The following SPSB4 variants were observed in gnomAD, a reference collection of about 807,000 sequenced individuals.
SPSB4 encodes the protein splA/ryanodine receptor domain and SOCS box containing 4.
Under a neutral mutation model 20.9 loss-of-function variants are expected in SPSB4, and 21 were observed. That is an observed-to-expected ratio of 1.01 (90% CI 0.71 to 1.45). The LOEUF (loss-of-function observed/expected upper bound fraction) is 1.45. Ranked by LOEUF, SPSB4 falls within the 40% of genes most tolerant of loss-of-function variation. The pLI is 0.00. For missense variants in SPSB4, 399 were observed against 399.2 expected, an observed-to-expected ratio of 1.00 and a Z score of 0.00; for synonymous variants, 207 against 183.8, an observed-to-expected ratio of 1.13 and a Z score of -1.02.
chr3:141,140,978 C>T (rs1436793716), intron 2 of SPSB4, among the ~76,000 whole-genome samples: 2 of 152,238 alleles, frequency 1.3e-5, no homozygotes, highest in African/African-American at 4.8e-5. Flanking sequence ...TGGGCTCCAC[C>T]CAGTTTGAGC....
intron 2 of SPSB4, among the ~76,000 whole-genome samples, chr3:141,125,885 T>C (rs1001902245): frequency 6.6e-6 from 1 of 152,250 alleles, no homozygotes; most frequent in African/African-American, 2.4e-5. Flanking sequence ...TGTCCAAGGC[T>C]TCTCTTCTAA....
chr3:141,136,648 GT>G (rs1277674736), intron 2 of SPSB4, among the ~76,000 whole-genome samples: 2 of 152,180 alleles, frequency 1.3e-5, no homozygotes, highest in Non-Finnish European at 2.9e-5. Flanking sequence ...TCAGATGGTT[GT>G]AGGTGTGTGG....
intron 2 of SPSB4, among the ~76,000 whole-genome samples, chr3:141,074,654 G>A (rs573047897): frequency 2.0e-5 from 3 of 152,310 alleles, no homozygotes; most frequent in East Asian, 1.9e-4. Context: ...CTAAAAGGCC[G>A]CAGCTCCCCG....
intron 2 of SPSB4, among the ~76,000 whole-genome samples, chr3:141,122,025 C>T (rs1938975158): frequency 6.6e-6 from 1 of 152,164 alleles, no homozygotes. Flanking sequence ...AGCTTTTCTG[C>T]TCTGGTTTCT....
At chr3:141,138,077 C>G (rs938308061) in intron 2 of SPSB4, among the ~76,000 whole-genome samples, 1 of 152,150 alleles carries the variant, frequency 6.6e-6, no homozygotes, top group Admixed American at 6.5e-5. Flanking sequence ...GTGTATGTGT[C>G]GAGGAATTTA....
At chr3:141,120,263 G>A (rs983146042) in intron 2 of SPSB4, among the ~76,000 whole-genome samples, 76 of 152,322 alleles carry the variant, frequency 5.0e-4, no homozygotes, top group African/African-American at 1.7e-3. Flanking sequence ...AAATTTGATT[G>A]CACTGTGGTC....
chr3:141,078,162 G>A (rs1938155170), intron 2 of SPSB4, among the ~76,000 whole-genome samples: 1 of 152,228 alleles, frequency 6.6e-6, no homozygotes, highest in Non-Finnish European at 1.5e-5. Context: ...GTTGGGATGG[G>A]CCTAGCTGCT....
rs373449720 is a variant in SPSB4 at position 141,066,387 on chromosome 3, C to T, written c.283C>T (p.Arg95Cys). ...CATCCGCGGCAAGGTGGGCCACGCC[C>T]GCGGCCTGCACGCCTGGCAGATCAA... Reference protein sequence around the residue: ...DGIRGKVGHARGLHAWQINWP... With the variant: ...DGIRGKVGHACGLHAWQINWP... The change falls in exon 2 of 3, where the codon CGC (arginine) becomes TGC (cysteine). Residue 95 changes from arginine (R) to cysteine (C), a missense_variant. Arg to Cys is a radical substitution (Grantham distance 180). Transcript: ENST00000310546. 1.7e-5 allele frequency: 27 copies of T among 1,543,806 alleles called. No individual in the cohort carries two copies. In the South Asian group the frequency reaches 2.0e-4, roughly 12 times the overall value.
chr3:141,071,679 A>G (rs1183789927), intron 2 of SPSB4, among the ~76,000 whole-genome samples: 1 of 152,130 alleles, frequency 6.6e-6, no homozygotes, highest in Non-Finnish European at 1.5e-5. Flanking sequence ...ACCACTGAGC[A>G]TGGCCTGACC....
intron 2 of SPSB4, among the ~76,000 whole-genome samples, chr3:141,097,677 G>T (rs941176170): frequency 6.6e-6 from 1 of 152,120 alleles, no homozygotes. Context: ...CAGTGAGGAG[G>T]AATGGTCTCT....
chr3:141,128,180 G>A (rs968253558), intron 2 of SPSB4, among the ~76,000 whole-genome samples: 1 of 152,214 alleles, frequency 6.6e-6, no homozygotes, highest in African/African-American at 2.4e-5. Context: ...CTGGGGTGCA[G>A]AAATGGGTTT....
chr3:141,090,491 G>A (rs144692873), intron 2 of SPSB4, among the ~76,000 whole-genome samples: 421 of 152,282 alleles, frequency 2.8e-3, no homozygotes, highest in African/African-American at 9.6e-3. Context: ...TGGAGAAAGT[G>A]ATATTTAAGC....
chr3:141,089,830 G>A (rs1938416465), intron 2 of SPSB4, among the ~76,000 whole-genome samples: 1 of 152,186 alleles, frequency 6.6e-6, no homozygotes, highest in Non-Finnish European at 1.5e-5. Context: ...TTTGGGTGTT[G>A]ACAGCTCTGC....
intron 2 of SPSB4, among the ~76,000 whole-genome samples, chr3:141,115,582 T>C (rs978460647): frequency 6.6e-6 from 1 of 152,272 alleles, no homozygotes; most frequent in African/African-American, 2.4e-5. Flanking sequence ...CAAATGTATT[T>C]GTGGTACTTG....
intron 2 of SPSB4, among the ~76,000 whole-genome samples, chr3:141,078,149 C>T (rs942457082): frequency 6.6e-6 from 1 of 152,232 alleles, no homozygotes; most frequent in African/African-American, 2.4e-5. Flanking sequence ...CACTAGCCCT[C>T]TGGTTGGGAT....
At chr3:141,073,422 G>C (rs893214181) in intron 2 of SPSB4, among the ~76,000 whole-genome samples, 5 of 152,166 alleles carry the variant, frequency 3.3e-5, no homozygotes, top group African/African-American at 1.2e-4. Context: ...GGAGGCTTCA[G>C]ACACATTGTT....
At chr3:141,120,045 G>A (rs1235558636) in intron 2 of SPSB4, among the ~76,000 whole-genome samples, 1 of 151,976 alleles carries the variant, frequency 6.6e-6, no homozygotes, top group Non-Finnish European at 1.5e-5. Context: ...TCCTCTTGTG[G>A]GCATTTAGTG....
intron 1 of SPSB4, among the ~76,000 whole-genome samples, chr3:141,053,485 A>G (rs1476700050): frequency 6.6e-6 from 1 of 152,198 alleles, no homozygotes; most frequent in Admixed American, 6.5e-5. Flanking sequence ...ATATAAAAAT[A>G]AAATCTGCAA....
At chr3:141,071,464 G>T (rs1303863627) in intron 2 of SPSB4, among the ~76,000 whole-genome samples, 2 of 146,292 alleles carry the variant, frequency 1.4e-5, no homozygotes, top group African/African-American at 5.5e-5. Context: ...TGTGCCCTGG[G>T]CTTAGGATTT....
Sources: gnomAD v4.1 joint callset for allele counts (sites outside exome capture counted in the v4.1 genomes callset) on GRCh38, gnomAD v4.1.1 for gene constraint, MANE v1.5 for transcripts, NCBI Gene and HGNC (gene_info 2026-07-23, HGNC 2026-07-21) for gene names.